Variants in RASGRF2 observed in about 807,000 individuals in gnomAD.
The protein encoded by RASGRF2 is ras-specific guanine nucleotide-releasing factor 2.
RASGRF2 carries 76 observed loss-of-function variants against 151.0 expected under a neutral mutation model. The observed-to-expected ratio is 0.50, with a 90% CI of 0.42 to 0.61. The LOEUF (loss-of-function observed/expected upper bound fraction) is 0.61. RASGRF2 is among the 20% of genes least tolerant of loss of function. The pLI, the probability that RASGRF2 is intolerant of heterozygous loss-of-function variation, is 0.00. For synonymous variants in RASGRF2, 504 were observed against 566.5 expected (o/e 0.89, Z 1.57); for missense variants, 1,148 against 1,564.6 (o/e 0.73, Z 4.49).
intron 19 of RASGRF2, among the ~76,000 whole-genome samples, chr5:81,204,595 T>C (rs1236273059): frequency 6.6e-6 from 1 of 152,216 alleles, no homozygotes; most frequent in Non-Finnish European, 1.5e-5. Context: ...TCAAAACTTA[T>C]ATTTCTAAAA....
intron 1 of RASGRF2, among the ~76,000 whole-genome samples, chr5:81,011,602 A>G (rs1429264787): frequency 1.3e-5 from 2 of 152,122 alleles, no homozygotes; most frequent in Admixed American, 1.3e-4. Flanking sequence ...TTAGCCTGGC[A>G]TGGTGGCACA....
intron 12 of RASGRF2, among the ~76,000 whole-genome samples, chr5:81,108,228 A>G (rs1285934161): frequency 1.3e-5 from 2 of 152,232 alleles, no homozygotes; most frequent in Admixed American, 1.3e-4. Flanking sequence ...TTCAAAGGGA[A>G]TATGTATAAG....
At chr5:81,087,565 T>C in intron 9 of RASGRF2, 1 of 571,260 alleles carries the variant, frequency 1.8e-6, no homozygotes, top group Non-Finnish European at 3.1e-6. Flanking sequence ...TTTTGAAGAG[T>C]TGAAGATATT....
At chr5:81,037,064 G>A (rs1750523916) in intron 1 of RASGRF2, among the ~76,000 whole-genome samples, 1 of 152,154 alleles carries the variant, frequency 6.6e-6, no homozygotes, top group Non-Finnish European at 1.5e-5. Context: ...AGAAGAGAGA[G>A]CTTGTGCAAG....
rs574021086 is a variant in RASGRF2, at chr5:81,129,428, T to C, written c.2686+2265T>C. Among the ~76,000 whole-genome samples, 23 of 152,286 alleles carry C rather than the reference T, an allele frequency of 1.5e-4. No homozygotes were observed. The South Asian group carries it at 4.6e-3, about 30-fold the overall frequency. ...TAATGGACATTAACTACCATAGTAC[T>C]TTATATATTATTTATCATTATATAT... On this transcript the variant is annotated intron_variant, in intron 17 of 26. Coordinates refer to ENST00000265080, the MANE Select transcript of RASGRF2 (RefSeq NM_006909.3).
chr5:81,181,442 A>G (rs1436531613), intron 18 of RASGRF2, among the ~76,000 whole-genome samples: 2 of 152,258 alleles, frequency 1.3e-5, no homozygotes, highest in Non-Finnish European at 2.9e-5. Context: ...CATCTTACAC[A>G]TCTTAAATAA....
At chr5:81,006,193 T>C (rs1749264132) in intron 1 of RASGRF2, among the ~76,000 whole-genome samples, 1 of 152,232 alleles carries the variant, frequency 6.6e-6, no homozygotes, top group African/African-American at 2.4e-5. Flanking sequence ...CAAGGACATC[T>C]ACTTTAATAT....
At chr5:80,997,838 G>A (rs1191064695) in intron 1 of RASGRF2, among the ~76,000 whole-genome samples, 3 of 151,794 alleles carry the variant, frequency 2.0e-5, no homozygotes, top group East Asian at 3.9e-4. Flanking sequence ...GCGTGGTGGC[G>A]GGCGCCTGTA....
chr5:81,222,001 G>A (rs1233244153), intron 26 of RASGRF2, among the ~76,000 whole-genome samples: 4 of 152,060 alleles, frequency 2.6e-5, no homozygotes, highest in Non-Finnish European at 5.9e-5. Flanking sequence ...TGGAGGGGGA[G>A]AAAAAAGATG....
chr5:81,161,022 T>G (rs901272639), intron 17 of RASGRF2, among the ~76,000 whole-genome samples: 1 of 152,188 alleles, frequency 6.6e-6, no homozygotes, highest in East Asian at 1.9e-4. Context: ...CTGGCTTCCA[T>G]AAAAGTTCTA....
At chr5:81,144,519 A>G (rs949884206) in intron 17 of RASGRF2, among the ~76,000 whole-genome samples, 11 of 152,242 alleles carry the variant, frequency 7.2e-5, no homozygotes, top group African/African-American at 2.7e-4. Flanking sequence ...GATTGTAAAT[A>G]CATAGCAGTT....
intron 1 of RASGRF2, among the ~76,000 whole-genome samples, chr5:81,028,817 A>T (rs1486573680): frequency 6.6e-6 from 1 of 152,196 alleles, no homozygotes; most frequent in Non-Finnish European, 1.5e-5. Flanking sequence ...CAGTGGGTGC[A>T]GCCCATGGAG....
rs1756011205 is a variant in RASGRF2, at chr5:81,226,807, A to G, written c.*1037A>G. The G allele has an allele frequency of 6.6e-6, 1 of 152,124 alleles. No individual in the cohort carries two copies. 9.4% of individuals were successfully genotyped at this position (152,124 alleles called of 1,614,324 possible). A position where few individuals can be genotyped will look rare whatever the true frequency, so the allele number is the denominator to read the frequency against. ...GTGAAATTTTCTTTTCAAAACCCACACTTCCATATGCTGTTCGTAGATCTC... is the reference window on the plus strand; with the variant it reads ...GTGAAATTTTCTTTTCAAAACCCACGCTTCCATATGCTGTTCGTAGATCTC... On this transcript the variant is annotated 3_prime_UTR_variant, in exon 27 of 27. Transcript: ENST00000265080.
intron 10 of RASGRF2, 61 bp from the exon 11 acceptor site, chr5:81,094,235 C>A: frequency 1.5e-6 from 2 of 1,361,828 alleles, no homozygotes; most frequent in South Asian, 1.2e-5. Flanking sequence ...GTTTACAAAT[C>A]AGAGCTTCCC....
intron 2 of RASGRF2, among the ~76,000 whole-genome samples, chr5:81,057,104 T>C (rs938862186): frequency 2.0e-5 from 3 of 152,230 alleles, no homozygotes; most frequent in Non-Finnish European, 4.4e-5. Context: ...TCTGTGTCTT[T>C]TAATTGGAGC....
intron 2 of RASGRF2, among the ~76,000 whole-genome samples, chr5:81,067,707 G>GT (rs1281557772): frequency 1.3e-5 from 2 of 152,044 alleles, no homozygotes; most frequent in Non-Finnish European, 2.9e-5. Context: ...AAAGACCTCA[G>GT]TTTTTTTGTT....
At chr5:81,201,547 T>C in intron 19 of RASGRF2, 105 bp downstream of exon 19, 1 of 1,245,774 alleles carries the variant, frequency 8.0e-7, no homozygotes, top group Non-Finnish European at 1.1e-6. Flanking sequence ...CAGTGGGGAC[T>C]ATGTTCTCAG....
At chr5:81,217,263 AG>A (rs1755758940) in intron 24 of RASGRF2, 92 bp from the exon 25 acceptor site, 1 of 1,492,954 alleles carries the variant, frequency 6.7e-7, no homozygotes, top group African/African-American at 1.4e-5. Flanking sequence ...TCAGTACCAA[AG>A]GAGGATACTT....
At chr5:81,152,430 C>T (rs1561233505) in intron 17 of RASGRF2, among the ~76,000 whole-genome samples, 1 of 151,688 alleles carries the variant, frequency 6.6e-6, no homozygotes, top group Non-Finnish European at 1.5e-5. Context: ...TGGTTTAATC[C>T]ATCTAAGAAG....
Sources: gnomAD v4.1 joint callset for allele counts (sites outside exome capture counted in the v4.1 genomes callset) on GRCh38, gnomAD v4.1.1 for gene constraint, MANE v1.5 for transcripts, NCBI Gene and HGNC (gene_info 2026-07-23, HGNC 2026-07-21) for gene names.